The following SVOP variants were observed in gnomAD, a reference collection of about 807,000 sequenced individuals.
SVOP encodes synaptic vesicle 2-related protein.
A neutral mutation model predicts 69.1 loss-of-function variants in SVOP; 17 were observed. That is an observed-to-expected ratio of 0.25 (90% confidence interval 0.17 to 0.37). The LOEUF (loss-of-function observed/expected upper bound fraction) is 0.37, where lower values mean the gene tolerates loss of function less well. Ranked by LOEUF, SVOP falls within the 10% of genes least tolerant of loss-of-function variation. The pLI, the probability that SVOP is intolerant of heterozygous loss-of-function variation, is 1.00. For missense variants in SVOP, 435 were observed against 597.5 expected (o/e 0.73, Z 2.84); for synonymous variants, 238 against 238.6 (o/e 1.00, Z 0.02).
chr12:108,962,947 A>G (rs1446512171), intron 5 of SVOP, among the ~76,000 whole-genome samples: 2 of 152,134 alleles, frequency 1.3e-5, no homozygotes, highest in African/African-American at 4.8e-5. Flanking sequence ...CCTGAGGGAC[A>G]GAGTGAGACT....
chr12:109,017,547 A>G (rs2040374173), intron 1 of SVOP, among the ~76,000 whole-genome samples: 1 of 151,996 alleles, frequency 6.6e-6, no homozygotes. Context: ...TACATTATAT[A>G]TATACACACA....
chr12:108,977,598 T>G, intron 3 of SVOP, 102 bp from the exon 4 acceptor site: 1 of 722,550 alleles, frequency 1.4e-6, no homozygotes, highest in Non-Finnish European at 2.4e-6. Context: ...AGCACACCCC[T>G]CTCTACCCAT....
intron 5 of SVOP, among the ~76,000 whole-genome samples, chr12:108,971,326 G>A (rs1305679216): frequency 1.3e-5 from 2 of 152,034 alleles, no homozygotes; most frequent in Non-Finnish European, 2.9e-5. Context: ...CTACTTGGGT[G>A]GCTGAGGCAG....
intron 10 of SVOP, among the ~76,000 whole-genome samples, chr12:108,935,495 C>T (rs577476057): frequency 8.5e-5 from 13 of 152,304 alleles, no homozygotes; most frequent in Middle Eastern, 3.4e-3. Flanking sequence ...TGATGCCCCA[C>T]CATCCTTTTA....
At chr12:108,938,388 A>G (rs146721058) in intron 9 of SVOP, among the ~76,000 whole-genome samples, 45 of 152,266 alleles carry the variant, frequency 3.0e-4, no homozygotes, top group African/African-American at 8.4e-4. Flanking sequence ...GGAGTGAGGC[A>G]CCATTCATTA....
intron 5 of SVOP, among the ~76,000 whole-genome samples, chr12:108,961,427 CTTTT>C (rs373090263): frequency 2.9e-4 from 38 of 133,264 alleles, no homozygotes; most frequent in Non-Finnish European, 2.4e-4. Context: ...ACATTCAAGA[CTTTT>C]TTTTTTTTTT....
chr12:108,954,113 CAAAAAAAAA>C (rs760331681), intron 6 of SVOP, among the ~76,000 whole-genome samples: 1 of 61,992 alleles, frequency 1.6e-5, no homozygotes, highest in African/African-American at 5.5e-5. Flanking sequence ...GAATCTGTCT[CAAAAAAAAA>C]AAAAAAAAAA....
Position 108,980,793 on chromosome 12 carries a change from C to T in SVOP, c.197-2130G>A, listed in dbSNP as rs925383903. On this transcript the variant is annotated intron_variant, in intron 2 of 15. Coordinates refer to ENST00000610966, the MANE Select transcript of SVOP (RefSeq NM_018711.5). Reference sequence around the variant, plus strand: ...AAAAAAAATTAGCCAGGTGTGGTGGCGCATGCCTGTAGTCCCAGCTACTCA... The same window carrying T: ...AAAAAAAATTAGCCAGGTGTGGTGGTGCATGCCTGTAGTCCCAGCTACTCA... Among the ~76,000 whole-genome samples, 311 of 149,504 alleles carry T rather than the reference C, an allele frequency of 2.1e-3. 2 individuals carry two copies. The highest frequency in any genetic ancestry group is 6.2e-3 in the African/African-American group (250 of 40,346).
At chr12:108,952,305 G>A (rs1022112260) in intron 6 of SVOP, among the ~76,000 whole-genome samples, 1 of 141,874 alleles carries the variant, frequency 7.0e-6, no homozygotes, top group East Asian at 2.1e-4. Flanking sequence ...TACGATCTTG[G>A]CTCACCGCAA....
chr12:108,939,036 A>C lies in SVOP; in HGVS notation c.769-81T>G, dbSNP rs2039873372. 2.5e-6 allele frequency: 4 copies of C among 1,595,994 alleles called. No homozygotes were observed. In the South Asian group the frequency reaches 4.5e-5, roughly 18 times the overall value. ...CTCGCTTCTAGCCACACAGTGTTGC[A>C]TGTGGGGTCTTTAAGAGTGGGGGCT... On this transcript the variant is annotated intron_variant, in intron 8 of 15. Transcript: ENST00000610966.
chr12:109,019,112 T>C (rs1000291256), intron 1 of SVOP, among the ~76,000 whole-genome samples: 1 of 152,198 alleles, frequency 6.6e-6, no homozygotes, highest in Non-Finnish European at 1.5e-5. Context: ...CCAGAAAGAA[T>C]AATCAAGAAA....
intron 14 of SVOP, among the ~76,000 whole-genome samples, chr12:108,917,323 T>C (rs375226402): frequency 2.6e-5 from 4 of 152,350 alleles, no homozygotes; most frequent in African/African-American, 9.6e-5. Flanking sequence ...CTTCAGTGCA[T>C]ACCATATGCA....
At chr12:108,926,465 G>A (rs1481326989) in intron 11 of SVOP, 3 of 152,138 alleles carry the variant, frequency 2.0e-5, no homozygotes, top group Non-Finnish European at 2.9e-5. Context: ...CAATTTGCAT[G>A]GAATCCTTGT....
chr12:108,919,641 C>A, intron 13 of SVOP, 34 bp downstream of exon 13: 1 of 1,543,512 alleles, frequency 6.5e-7, no homozygotes, highest in Non-Finnish European at 8.8e-7. Flanking sequence ...TCCACCTGTG[C>A]TCAAACTCAT....
intron 1 of SVOP, among the ~76,000 whole-genome samples, chr12:109,019,625 G>A (rs540437182): frequency 3.3e-4 from 50 of 151,860 alleles, no homozygotes; most frequent in Non-Finnish European, 5.0e-4. Flanking sequence ...TTATATCTAC[G>A]TCTGGATATT....
intron 1 of SVOP, among the ~76,000 whole-genome samples, chr12:109,004,689 G>A (rs533047334): frequency 1.5e-4 from 23 of 148,850 alleles, no homozygotes; most frequent in Middle Eastern, 3.5e-3. Context: ...CACCATGCCC[G>A]GCCTGATACA....
At chr12:108,933,700 A>G (rs1485394538) in intron 11 of SVOP, among the ~76,000 whole-genome samples, 1 of 151,694 alleles carries the variant, frequency 6.6e-6, no homozygotes, top group East Asian at 1.9e-4. Context: ...TAAAAAAATA[A>G]TAATAATAAA....
In SVOP at chr12:109,020,839, C is replaced by T. The variant is rs1275569501; in HGVS notation, c.30G>A (p.Gln10=). ...CTCGCCCCCATGATACTCACGGCAGCTGCCTTAGCTGGAATAAGTCCTCCT... is the reference window on the plus strand; with the variant it reads ...CTCGCCCCCATGATACTCACGGCAGTTGCCTTAGCTGGAATAAGTCCTCCT... The part of the protein sequence containing the change: MEEDLFQLR[Q]LPVVKFRRTG... Residue 10 remains glutamine (Q), a synonymous_variant, in exon 1 of 16, where the codon CAG becomes CAA. Transcript: ENST00000610966. The T allele has an allele frequency of 8.5e-6, 6 of 708,058 alleles. No homozygotes were observed. Among genetic ancestry groups the T allele is most frequent in the African/African-American group, 5.3e-5 (3 of 56,200 alleles). 43.9% of individuals were successfully genotyped at this position (708,058 alleles called of 1,614,324 possible).
chr12:108,965,647 G>A (rs372622249), intron 5 of SVOP, among the ~76,000 whole-genome samples: 1 of 13,254 alleles, frequency 7.5e-5, no homozygotes, highest in Non-Finnish European at 5.0e-4. Flanking sequence ...AAAACACATC[G>A]GGGGCCATAT....
Sources: allele counts gnomAD v4.1 joint callset (sites outside exome capture counted in the v4.1 genomes callset), GRCh38; gene constraint gnomAD v4.1.1; transcripts MANE v1.5; gene names NCBI Gene and HGNC (gene_info 2026-07-23, HGNC 2026-07-21).